Variants in KIF16B observed in about 807,000 individuals in gnomAD.
KIF16B encodes kinesin-like protein KIF16B.
KIF16B carries 98 observed loss-of-function variants against 156.3 expected under a neutral mutation model. That is an observed-to-expected ratio of 0.63 (90% confidence interval 0.53 to 0.74). KIF16B has a LOEUF of 0.74. Among genes scored for constraint, KIF16B ranks in the 30% least tolerant of loss-of-function variants. The pLI is 0.00. For synonymous variants in KIF16B, 564 were observed against 583.7 expected (o/e 0.97, Z 0.49); for missense variants, 1,421 against 1,606.5 (o/e 0.88, Z 1.97).
At chr20:16,383,764 A>C (rs1600255711) in intron 17 of KIF16B, among the ~76,000 whole-genome samples, 1 of 152,218 alleles carries the variant, frequency 6.6e-6, no homozygotes, top group African/African-American at 2.4e-5. Flanking sequence ...AATTTCCCTA[A>C]TGGAATGATC....
chr20:16,282,269 C>G (rs1374406579), intron 25 of KIF16B, among the ~76,000 whole-genome samples: 1 of 151,730 alleles, frequency 6.6e-6, no homozygotes, highest in Non-Finnish European at 1.5e-5. Flanking sequence ...CTGACCTCAG[C>G]TGATATGCCC....
intron 15 of KIF16B, among the ~76,000 whole-genome samples, chr20:16,423,547 A>C (rs2066277317): frequency 6.6e-6 from 1 of 152,152 alleles, no homozygotes; most frequent in African/African-American, 2.4e-5. Context: ...TGTATTAATA[A>C]TGATTTTGAA....
intron 7 of KIF16B, among the ~76,000 whole-genome samples, chr20:16,507,637 C>G (rs2068825974): frequency 6.6e-6 from 1 of 152,174 alleles, no homozygotes; most frequent in Non-Finnish European, 1.5e-5. Context: ...GACTCGCAAT[C>G]CATTATATCC....
In KIF16B at chr20:16,561,689, G is replaced by A. The variant is rs73104804; in HGVS notation, c.47+11540C>T. Among the ~76,000 whole-genome samples, 775 of 152,278 alleles carry A rather than the reference G, an allele frequency of 5.1e-3. 3 individuals carry two copies. The highest frequency in any genetic ancestry group is 8.4e-3 in the Non-Finnish European group (570 of 68,016). On this transcript the variant is annotated intron_variant, in intron 1 of 25. Coordinates refer to ENST00000354981, the MANE Select transcript of KIF16B (RefSeq NM_024704.5). ...CACGTAATCAAGGTCAACATCACCA[G>A]TAGTAAGACATATTGACATCACATA...
intron 2 of KIF16B, among the ~76,000 whole-genome samples, chr20:16,527,018 C>T (rs1005194161): frequency 1.3e-5 from 2 of 152,134 alleles, no homozygotes; most frequent in Non-Finnish European, 2.9e-5. Flanking sequence ...GATTCCATAA[C>T]GCACAAAGAA....
chr20:16,494,780 T>C (rs1006580112), intron 11 of KIF16B, among the ~76,000 whole-genome samples: 6 of 152,256 alleles, frequency 3.9e-5, no homozygotes, highest in Non-Finnish European at 7.3e-5. Context: ...GTAGTTTTAC[T>C]TTAGGAGATA....
At chr20:16,430,063 A>G (rs2066458590) in intron 12 of KIF16B, 81 bp from the exon 13 acceptor site, 1 of 1,348,574 alleles carries the variant, frequency 7.4e-7, no homozygotes, top group Non-Finnish European at 1.0e-6. Context: ...AGATTGTCAG[A>G]ATGGGCAATA....
chr20:16,348,123 T>G (rs2064268147), intron 23 of KIF16B, among the ~76,000 whole-genome samples: 1 of 152,200 alleles, frequency 6.6e-6, no homozygotes, highest in Non-Finnish European at 1.5e-5. Context: ...ACCCATGACT[T>G]GGTCAGCATT....
intron 1 of KIF16B, among the ~76,000 whole-genome samples, chr20:16,544,771 A>G (rs1189314239): frequency 3.3e-5 from 5 of 152,110 alleles, no homozygotes; most frequent in African/African-American, 7.2e-5. Context: ...ACCAGTGTAC[A>G]TGCTTCCTGA....
At chr20:16,430,115 A>C in intron 12 of KIF16B, 133 bp from the exon 13 acceptor site, 1 of 936,522 alleles carries the variant, frequency 1.1e-6, no homozygotes, top group Non-Finnish European at 1.6e-6. Flanking sequence ...AATGGACCTT[A>C]AACTTCGTGT....
chr20:16,499,511 G>T (rs1221916150), intron 10 of KIF16B, among the ~76,000 whole-genome samples: 1 of 152,204 alleles, frequency 6.6e-6, no homozygotes, highest in African/African-American at 2.4e-5. Context: ...ATGCATCATT[G>T]CATCTAACAT....
At chr20:16,320,517 C>T (rs901071890) in intron 24 of KIF16B, among the ~76,000 whole-genome samples, 1 of 152,024 alleles carries the variant, frequency 6.6e-6, no homozygotes, top group African/African-American at 2.4e-5. Context: ...AGAACAAGCA[C>T]AATAAAAACA....
intron 24 of KIF16B, among the ~76,000 whole-genome samples, chr20:16,326,748 T>A (rs1375925514): frequency 2.0e-5 from 3 of 152,016 alleles, no homozygotes; most frequent in Non-Finnish European, 2.9e-5. Context: ...GTACAACCAC[T>A]ATAGAAAACA....
chr20:16,559,258 C>T lies in KIF16B; in HGVS notation c.47+13971G>A, dbSNP rs557521884. 1.2e-4 allele frequency among the ~76,000 whole-genome samples: 18 copies of T among 152,016 alleles called. No individual in the cohort carries two copies. In the East Asian group the frequency reaches 2.5e-3, roughly 21 times the overall value. The stretch of plus-strand genomic sequence containing the variant: ...GATAAGTGAAAGTAAACAATTAATC[C>T]AATCAAGGTGTTAACAGCCCAAATT... On this transcript the variant is annotated intron_variant, in intron 1 of 25. Transcript: ENST00000354981.
At chr20:16,383,450 T>G (rs559977734) in intron 17 of KIF16B, among the ~76,000 whole-genome samples, 1 of 152,274 alleles carries the variant, frequency 6.6e-6, no homozygotes, top group Admixed American at 6.5e-5. Context: ...ACCTGTTAGA[T>G]AGCAATATAT....
At position 16,363,070 on chromosome 20, in the gene KIF16B, C is replaced by T. The variant is rs188822249; in HGVS notation, c.3499-6618G>A. ...TACTGTTTAAGAAACAGTGGAGAGA[C>T]GGAAGGGTGTTGGAGGTAAAGGAGA... On this transcript the variant is annotated intron_variant, in intron 22 of 25. Transcript: ENST00000354981. Among the ~76,000 whole-genome samples, 23 of 152,106 alleles carry T rather than the reference C, an allele frequency of 1.5e-4. No homozygotes were observed. The East Asian group carries it at 2.7e-3, about 18-fold the overall frequency.
In KIF16B at chr20:16,429,924, G is replaced by C; in HGVS notation, c.1361C>G (p.Pro454Arg). The part of the protein sequence containing the change: ...GIGVVLDSEL[P>R]HLIGIDDDLL... ...GTCATCATCGATGCCAATCAAATGA[G>C]GCAGTTCAGAATCCAAAACAACTCC... The change falls in exon 13 of 26, where the codon CCT (proline) becomes CGT (arginine). Residue 454 changes from proline to arginine, a missense_variant. Coordinates refer to ENST00000354981, the MANE Select transcript of KIF16B (RefSeq NM_024704.5). 1 of 1,612,892 alleles carries C rather than the reference G, an allele frequency of 6.2e-7. No individual in the cohort carries two copies. Among genetic ancestry groups the C allele is most frequent in the Non-Finnish European group, 8.5e-7 (1 of 1,179,242 alleles).
At chr20:16,343,372 T>C (rs1421874992) in intron 23 of KIF16B, among the ~76,000 whole-genome samples, 1 of 152,226 alleles carries the variant, frequency 6.6e-6, no homozygotes, top group East Asian at 1.9e-4. Flanking sequence ...TTTGGTTATG[T>C]ATATCTAGCA....
intron 12 of KIF16B, among the ~76,000 whole-genome samples, chr20:16,481,016 G>A (rs1205448184): frequency 1.3e-5 from 2 of 152,104 alleles, no homozygotes; most frequent in African/African-American, 4.8e-5. Context: ...GTGTTTGAAG[G>A]GATGATCTTC....
Sources: gnomAD v4.1 joint callset for allele counts (sites outside exome capture counted in the v4.1 genomes callset) on GRCh38, gnomAD v4.1.1 for gene constraint, MANE v1.5 for transcripts, NCBI Gene and HGNC (gene_info 2026-07-23, HGNC 2026-07-21) for gene names.